The following UIMC1 variants were observed in gnomAD, a reference collection of about 807,000 sequenced individuals.
UIMC1 encodes BRCA1-A complex subunit RAP80.
Under a neutral mutation model 84.9 loss-of-function variants are expected in UIMC1, and 42 were observed. That is an observed-to-expected ratio of 0.49 (90% CI 0.39 to 0.64). The LOEUF (loss-of-function observed/expected upper bound fraction) is 0.64. UIMC1 is among the 30% of genes least tolerant of loss of function. The pLI, the probability that UIMC1 is intolerant of heterozygous loss-of-function variation, is 0.00. For synonymous variants in UIMC1, 281 were observed against 293.0 expected (o/e 0.96, Z 0.42); for missense variants, 825 against 847.6 (o/e 0.97, Z 0.33).
At chr5:176,987,758 A>C (rs1403613567) in intron 1 of UIMC1, among the ~76,000 whole-genome samples, 1 of 152,060 alleles carries the variant, frequency 6.6e-6, no homozygotes, top group Admixed American at 6.6e-5. Flanking sequence ...CAGGAGGTTG[A>C]GGCTGCAGTA....
intron 3 of UIMC1, among the ~76,000 whole-genome samples, chr5:176,973,507 G>C (rs1429077127): frequency 1.3e-5 from 2 of 150,866 alleles, no homozygotes; most frequent in African/African-American, 2.4e-5. Context: ...TCAAGTCCAG[G>C]TGGTCGAAGC....
At chr5:176,957,992 T>C (rs1172457350) in intron 7 of UIMC1, 101 bp downstream of exon 7, 28 of 1,094,036 alleles carry the variant, frequency 2.6e-5, no homozygotes, top group Admixed American at 2.4e-4. Context: ...GAGCTAAAAG[T>C]TCTCTGGCAA....
chr5:176,948,444 AC>A (rs1765412739), intron 9 of UIMC1, among the ~76,000 whole-genome samples: 1 of 152,354 alleles, frequency 6.6e-6, no homozygotes, highest in African/African-American at 2.4e-5. Context: ...CTGCAAACCA[AC>A]AGAGTAAAAT....
chr5:176,974,479 G>A (rs540294519), intron 3 of UIMC1, among the ~76,000 whole-genome samples: 3 of 152,102 alleles, frequency 2.0e-5, no homozygotes, highest in African/African-American at 7.2e-5. Flanking sequence ...CCTTAGCGTA[G>A]TCAAAGATTT....
At chr5:176,948,357 AATAAT>A (rs1425903382) in intron 9 of UIMC1, among the ~76,000 whole-genome samples, 1 of 152,192 alleles carries the variant, frequency 6.6e-6, no homozygotes, top group African/African-American at 2.4e-5. Flanking sequence ...AAAGCAGTAA[AATAAT>A]ATGACTTTCC....
intron 10 of UIMC1, among the ~76,000 whole-genome samples, chr5:176,916,929 A>G (rs1012996707): frequency 4.9e-4 from 75 of 152,250 alleles, no homozygotes; most frequent in African/African-American, 1.8e-3. Flanking sequence ...AACAATCAAC[A>G]ATAAAAAACA....
rs552082073 is a variant in UIMC1 at position 176,991,074 on chromosome 5, C to T, written c.-8-8451G>A. Among the ~76,000 whole-genome samples, 5 of 152,112 alleles carry T rather than the reference C, an allele frequency of 3.3e-5. No homozygotes were observed. In the South Asian group the frequency reaches 1.0e-3, roughly 32 times the overall value. On this transcript the variant is annotated intron_variant, in intron 1 of 14. Coordinates refer to ENST00000511320, the MANE Select transcript of UIMC1 (RefSeq NM_001199298.2). ...CCAGGCCAGACTGCAGTGGCACTAT[C>T]TCGGCTCACTGCAAGCTCTGCCTCC...
intron 6 of UIMC1, among the ~76,000 whole-genome samples, chr5:176,963,872 C>T (rs1192551823): frequency 2.0e-5 from 3 of 151,944 alleles, no homozygotes; most frequent in East Asian, 1.9e-4. Flanking sequence ...TTCCAATATC[C>T]GGACTGAAAA....
intron 1 of UIMC1, among the ~76,000 whole-genome samples, chr5:176,990,246 A>G (rs1442107182): frequency 6.6e-6 from 1 of 151,960 alleles, no homozygotes; most frequent in African/African-American, 2.4e-5. Flanking sequence ...CACAGCACTC[A>G]TGAATGGGAC....
intron 6 of UIMC1, among the ~76,000 whole-genome samples, chr5:176,959,036 C>T (rs968370660): frequency 6.6e-6 from 1 of 152,150 alleles, no homozygotes; most frequent in Admixed American, 6.6e-5. Flanking sequence ...TTATGAATCT[C>T]GCTACCATTC....
intron 2 of UIMC1, among the ~76,000 whole-genome samples, chr5:176,979,459 T>A (rs769927340): frequency 6.6e-6 from 1 of 151,940 alleles, no homozygotes; most frequent in South Asian, 2.1e-4. Flanking sequence ...ATACAAAAAT[T>A]AGCCAGGCGT....
intron 1 of UIMC1, among the ~76,000 whole-genome samples, chr5:176,986,359 CAAAAAAAAAAAAAA>C (rs71583560): frequency 7.1e-5 from 2 of 28,004 alleles, no homozygotes; most frequent in South Asian, 2.6e-3. Flanking sequence ...GACTTCATCT[CAAAAAAAAAAAAAA>C]AAAAAAAAAA....
At chr5:176,958,983 T>C (rs1766960530) in intron 6 of UIMC1, among the ~76,000 whole-genome samples, 1 of 152,250 alleles carries the variant, frequency 6.6e-6, no homozygotes, top group African/African-American at 2.4e-5. Flanking sequence ...TTTTCAAGGT[T>C]TCCTAATAAG....
At chr5:176,906,821 G>A (rs1581320802) in intron 13 of UIMC1, among the ~76,000 whole-genome samples, 1 of 152,226 alleles carries the variant, frequency 6.6e-6, no homozygotes, top group East Asian at 1.9e-4. Flanking sequence ...CCTTTAGAAG[G>A]TATACTTGGG....
At position 176,994,510 on chromosome 5, in the gene UIMC1, TAAAA is replaced by T. The variant is rs58699518; in HGVS notation, c.-8-11891_-8-11888del. The stretch of plus-strand genomic sequence containing the variant: ...CACTTTGGAAAACTGGCAGTTTCTT[TAAAA>T]AAAAAAAAAAAAAAAAAGTATAACT... On this transcript the variant is annotated intron_variant, in intron 1 of 14. Transcript: ENST00000511320. Among the ~76,000 whole-genome samples, 919 of 138,318 alleles carry T rather than the reference TAAAA, an allele frequency of 6.6e-3. 4 individuals carry two copies. The highest frequency in any genetic ancestry group is 0.011 in the Middle Eastern group (3 of 266). The allele number at this position is 138,318 out of a possible 152,430, so 90.7% of individuals were successfully genotyped here.
rs774146650 is a variant in UIMC1, at chr5:176,995,165, C to T, written c.-9+11485G>A. Among the ~76,000 whole-genome samples, 39 of 152,080 alleles carry T rather than the reference C, an allele frequency of 2.6e-4. 2 individuals carry two copies. The highest frequency in any genetic ancestry group is 3.1e-4 in the Non-Finnish European group (21 of 68,008). ...TTACTCAGTAGAAATGAAAACATTA[C>T]CACCCAAAAACTTGTATATGTATGT... is the stretch of plus-strand genomic sequence containing the variant. On this transcript the variant is annotated intron_variant, in intron 1 of 14. Coordinates refer to ENST00000511320, the MANE Select transcript of UIMC1 (RefSeq NM_001199298.2).
chr5:176,971,955 T>G (rs768386403), intron 3 of UIMC1, among the ~76,000 whole-genome samples: 2 of 152,156 alleles, frequency 1.3e-5, no homozygotes, highest in Non-Finnish European at 2.9e-5. Flanking sequence ...ACTAATATTT[T>G]TTAAAAATAC....
At position 176,978,234 on chromosome 5, in the gene UIMC1, G is replaced by A. The variant is rs141939244; in HGVS notation, c.148-2754C>T. ...AAAATACAAAAAAAACTAGCCAGGCGTGGTGGCAGGCGCCTGTAGTCCCAG... is the reference window on the plus strand; with the variant it reads ...AAAATACAAAAAAAACTAGCCAGGCATGGTGGCAGGCGCCTGTAGTCCCAG... On this transcript the variant is annotated intron_variant, in intron 2 of 14. Coordinates refer to ENST00000511320, the MANE Select transcript of UIMC1 (RefSeq NM_001199298.2). Among the ~76,000 whole-genome samples, 516 of 152,116 alleles carry A rather than the reference G, an allele frequency of 3.4e-3. 4 individuals carry two copies. Among genetic ancestry groups the A allele is most frequent in the African/African-American group, 0.012 (483 of 41,512 alleles).
chr5:176,982,152 T>G (rs34517038), intron 2 of UIMC1, among the ~76,000 whole-genome samples: 14,840 of 152,186 alleles, frequency 0.098, 1,507 homozygotes, highest in African/African-American at 0.26. Context: ...AACATTCACG[T>G]GTTTTTCCTC....
Sources: allele counts gnomAD v4.1 joint callset (sites outside exome capture counted in the v4.1 genomes callset), GRCh38; gene constraint gnomAD v4.1.1; transcripts MANE v1.5; gene names NCBI Gene and HGNC (gene_info 2026-07-23, HGNC 2026-07-21).